The following ACOT12 variants were observed in gnomAD, a reference collection of about 807,000 sequenced individuals.
The protein encoded by ACOT12 is acyl-CoA thioesterase 12.
Under a neutral mutation model 67.7 loss-of-function variants are expected in ACOT12, and 51 were observed. That is an observed-to-expected ratio of 0.75 (90% CI 0.60 to 0.95). The LOEUF (loss-of-function observed/expected upper bound fraction) is 0.95, where lower values mean the gene tolerates loss of function less well. Ranked by LOEUF, ACOT12 falls within the 40% of genes least tolerant of loss-of-function variation. The pLI is 0.00. For synonymous variants in ACOT12, 251 were observed against 244.6 expected (o/e 1.03, Z -0.24); for missense variants, 734 against 708.1 (o/e 1.04, Z -0.41).
chr5:81,311,097 T>C, the ACOT12 span: 1 of 1,031,736 alleles, frequency 9.7e-7, no homozygotes, highest in Admixed American at 1.8e-5. Context: ...CTGGTCTAGC[T>C]ACCTTTACAA....
At chr5:81,330,661 T>C in intron 14 of ACOT12, 118 bp from the exon 15 acceptor site, 1 of 1,478,368 alleles carries the variant, frequency 6.8e-7, no homozygotes, top group Non-Finnish European at 9.1e-7. Flanking sequence ...TGGGGGACCT[T>C]CTGGAATAGA....
At chr5:81,369,494 A>G (rs1760181365) in intron 3 of ACOT12, among the ~76,000 whole-genome samples, 1 of 152,148 alleles carries the variant, frequency 6.6e-6, no homozygotes, top group Admixed American at 6.6e-5. Flanking sequence ...ATATTTAAGG[A>G]AAAAAATCCA....
the ACOT12 span, among the ~76,000 whole-genome samples, chr5:81,321,550 C>A: frequency 8.6e-5 from 13 of 151,590 alleles, no homozygotes; most frequent in Admixed American, 6.6e-4. Flanking sequence ...TTTAAAAAAA[C>A]AAACAAACAA....
chr5:81,326,972 C>T (rs983353299), downstream of ACOT12, among the ~76,000 whole-genome samples: 1 of 152,110 alleles, frequency 6.6e-6, no homozygotes, highest in Non-Finnish European at 1.5e-5. Context: ...TACTCTAAAT[C>T]ACAAGACTTA....
downstream of ACOT12, among the ~76,000 whole-genome samples, chr5:81,326,239 C>G (rs1227265314): frequency 1.3e-5 from 2 of 151,386 alleles, no homozygotes; most frequent in Non-Finnish European, 2.9e-5. Flanking sequence ...ATTCTCCTGC[C>G]TCAGCCTTGT....
chr5:81,354,181 G>T (rs1580554857), intron 5 of ACOT12, among the ~76,000 whole-genome samples: 2 of 152,214 alleles, frequency 1.3e-5, no homozygotes, highest in East Asian at 3.8e-4. Context: ...AAACAAAGCA[G>T]ATGATAAAAG....
chr5:81,312,500 G>T, the ACOT12 span: 1 of 1,488,414 alleles, frequency 6.7e-7, no homozygotes, highest in South Asian at 1.2e-5. Flanking sequence ...GGATGCATTT[G>T]ATTACTGTTT....
chr5:81,335,869 A>G lies in ACOT12; in HGVS notation c.1161T>C (p.Val387=), dbSNP rs762188607. The G allele has an allele frequency of 6.2e-7, 1 of 1,614,004 alleles. No homozygotes were observed. Among genetic ancestry groups the G allele is most frequent in the Non-Finnish European group, 8.5e-7 (1 of 1,179,918 alleles). ...CGTGCTTTTCAACCCAAACAGATAA[A>G]ACATCATGCTCTTCCAGAGTATATA... ...IKIYTLEEHD[V]LSVWVEKHVG... The change falls in exon 12 of 15, where the codon GTT becomes GTC. Residue 387 remains valine, a synonymous_variant. Transcript: ENST00000307624.
chr5:81,393,261 G>A (rs561100453), intron 1 of ACOT12, among the ~76,000 whole-genome samples: 15 of 152,256 alleles, frequency 9.9e-5, no homozygotes, highest in Admixed American at 5.9e-4. Context: ...CACTCCTCTC[G>A]CTACACTTTT....
At chr5:81,313,188 T>G in the ACOT12 span, 1 of 152,282 alleles carries the variant, frequency 6.6e-6, no homozygotes, top group Non-Finnish European at 1.5e-5. Context: ...GATTCTCGAT[T>G]GAAATATCCA....
At chr5:81,338,047 G>C (rs1759058858) in intron 11 of ACOT12, among the ~76,000 whole-genome samples, 1 of 152,172 alleles carries the variant, frequency 6.6e-6, no homozygotes, top group East Asian at 1.9e-4. Flanking sequence ...AGTCCCCGTT[G>C]CCCTGCTGTA....
chr5:81,363,483 C>A lies in ACOT12; in HGVS notation c.360+305G>T, dbSNP rs10058787. ...ATGACCACAAATGAAAAGCACTAAA[C>A]CAGTAGGCAGTATTTTAAAGAAACC... On this transcript the variant is annotated intron_variant, in intron 4 of 14. Coordinates refer to ENST00000307624, the MANE Select transcript of ACOT12 (RefSeq NM_130767.3). 2.3e-3 allele frequency among the ~76,000 whole-genome samples: 353 copies of A among 152,200 alleles called. 1 individual carries two copies. Among genetic ancestry groups the A allele is most frequent in the African/African-American group, 8.1e-3 (337 of 41,510 alleles).
At chr5:81,390,056 G>T (rs1760824798) in intron 1 of ACOT12, among the ~76,000 whole-genome samples, 1 of 148,570 alleles carries the variant, frequency 6.7e-6, no homozygotes, top group African/African-American at 2.5e-5. Flanking sequence ...CCAGGCTCAA[G>T]TCATCCTCAC....
At chr5:81,327,281 T>G (rs1014572823), downstream of ACOT12, among the ~76,000 whole-genome samples, 16 of 151,748 alleles carry the variant, frequency 1.1e-4, no homozygotes, top group African/African-American at 3.4e-4. Context: ...TTATTAAAAT[T>G]GATCATTTCC....
At chr5:81,359,747 A>G in intron 5 of ACOT12, 156 bp downstream of exon 5, 1 of 716,118 alleles carries the variant, frequency 1.4e-6, no homozygotes, top group Non-Finnish European at 2.1e-6. Context: ...CTCAATGGCC[A>G]GGTTTCTTCT....
intron 3 of ACOT12, among the ~76,000 whole-genome samples, chr5:81,366,178 T>G (rs547311287): frequency 6.6e-6 from 1 of 152,290 alleles, no homozygotes; most frequent in South Asian, 2.1e-4. Flanking sequence ...TAGAAGAGTT[T>G]AAAACGTATC....
chr5:81,344,339 C>G (rs1283427790), intron 8 of ACOT12, 124 bp from the exon 9 acceptor site: 1 of 911,232 alleles, frequency 1.1e-6, no homozygotes, highest in Non-Finnish European at 1.6e-6. Context: ...TGGTGTCTCT[C>G]CATGAACTGA....
At chr5:81,348,052 C>G (rs1759437088) in intron 5 of ACOT12, 122 bp from the exon 6 acceptor site, 6 of 1,088,304 alleles carry the variant, frequency 5.5e-6, no homozygotes, top group Non-Finnish European at 7.8e-6. Flanking sequence ...GTTCTCAAAG[C>G]CTTAAGACTG....
rs752913048 is a variant in ACOT12 at position 81,371,803 on chromosome 5, G to T, written c.205C>A (p.Gln69Lys). The T allele has an allele frequency of 5.6e-6, 9 of 1,613,976 alleles. No individual in the cohort carries two copies. Among genetic ancestry groups the T allele is most frequent in the Non-Finnish European group, 8.5e-7 (1 of 1,179,954 alleles). The change falls in exon 3 of 15, where the codon CAA becomes AAA. Residue 69 changes from glutamine (Q) to lysine (K), a missense_variant. Coordinates refer to ENST00000307624, the MANE Select transcript of ACOT12 (RefSeq NM_130767.3). Reference protein sequence around the residue: ...IQFEETARVGQVITIKAKVTR... With the variant: ...IQFEETARVGKVITIKAKVTR... ...ACTTTTGCTTTGATGGTTATAACTT[G>T]TCCAACTCTAGGGAAAAACAAACAA...
Sources: gnomAD v4.1 joint callset for allele counts (sites outside exome capture counted in the v4.1 genomes callset) on GRCh38, gnomAD v4.1.1 for gene constraint, MANE v1.5 for transcripts, NCBI Gene and HGNC (gene_info 2026-07-23, HGNC 2026-07-21) for gene names.